Variants in CEACAM5 observed in about 807,000 individuals in gnomAD.
CEACAM5 encodes the protein cell adhesion molecule CEACAM5.
A neutral mutation model predicts 63.0 loss-of-function variants in CEACAM5; 52 were observed. The ratio of observed to expected loss-of-function variants is 0.83; its 90% CI spans 0.66 to 1.04. CEACAM5 has a LOEUF of 1.04. Ranked by LOEUF, CEACAM5 falls within the 50% of genes least tolerant of loss-of-function variation. The pLI is 0.00. For missense variants in CEACAM5, 790 were observed against 864.8 expected (o/e 0.91, Z 1.08); for synonymous variants, 357 against 351.3 (o/e 1.02, Z -0.18).
intron 8 of CEACAM5, among the ~76,000 whole-genome samples, chr19:41,726,394 G>A (rs1212509810): frequency 3.3e-5 from 5 of 152,214 alleles, no homozygotes; most frequent in Non-Finnish European, 5.9e-5. Flanking sequence ...TCATCAGCCT[G>A]AGTTGACTAG....
chr19:41,717,738 G>A lies in CEACAM5; in HGVS notation c.1237+5G>A. On this transcript the variant is annotated splice_donor_5th_base_variant and intron_variant, in intron 5 of 9. Coordinates refer to ENST00000221992, the MANE Select transcript of CEACAM5 (RefSeq NM_004363.6). Reference sequence around the variant, plus strand: ...CAGTCATCCTGAATGTCCTCTGTGAGTATCTTCTGTTCCTCTGTGGCTCAG... The same window carrying A: ...CAGTCATCCTGAATGTCCTCTGTGAATATCTTCTGTTCCTCTGTGGCTCAG... 6.2e-7 allele frequency: 1 copy of A among 1,612,988 alleles called. No homozygotes were observed. The highest frequency in any genetic ancestry group is 8.5e-7 in the Non-Finnish European group (1 of 1,179,158).
intron 8 of CEACAM5, among the ~76,000 whole-genome samples, chr19:41,722,981 C>T (rs2072647305): frequency 6.6e-6 from 1 of 152,126 alleles, no homozygotes; most frequent in African/African-American, 2.4e-5. Context: ...GATCTCGGCT[C>T]ACTGCAAGCT....
At chr19:41,709,659 A>T (rs1331813454) in intron 1 of CEACAM5, 21 bp from the exon 2 acceptor site, 8 of 1,605,030 alleles carry the variant, frequency 5.0e-6, no homozygotes, top group Non-Finnish European at 6.0e-6. Context: ...ATATTGACCG[A>T]TGCTCTCTGC....
Position 41,717,577 on chromosome 19 carries a change from C to T in CEACAM5, c.1081C>T (p.Gln361Ter). 1.2e-6 allele frequency: 2 copies of T among 1,614,244 alleles called. No homozygotes were observed. Among genetic ancestry groups the T allele is most frequent in the African/African-American group, 2.7e-5 (2 of 75,066 alleles). Reference sequence around the variant, plus strand: ...AACCTACCTGTGGTGGGTAAATAATCAGAGCCTCCCGGTCAGTCCCAGGCT... The same window carrying T: ...AACCTACCTGTGGTGGGTAAATAATTAGAGCCTCCCGGTCAGTCCCAGGCT... ...NTTYLWWVNN[Q>*]SLPVSPRLQL... Residue 361 changes from glutamine (Q) to a stop codon, truncating the protein, a stop_gained, in exon 5 of 10, where the codon CAG becomes TAG. Transcript: ENST00000221992. LOFTEE classifies it high-confidence loss of function.
At chr19:41,728,786 C>CAAAAAAAAA (rs55647539) in intron 9 of CEACAM5, among the ~76,000 whole-genome samples, 19,802 of 71,572 alleles carry the variant, frequency 0.28, 2,974 homozygotes, top group Non-Finnish European at 0.36. Flanking sequence ...GACTCCGTCT[C>CAAAAAAAAA]AAAAAAAAAA....
intron 6 of CEACAM5, among the ~76,000 whole-genome samples, chr19:41,718,633 G>T (rs1399014254): frequency 1.3e-5 from 2 of 152,226 alleles, no homozygotes; most frequent in Non-Finnish European, 2.9e-5. Context: ...TGAGCCCTAT[G>T]TAGTGGAAGG....
At chr19:41,724,670 C>G (rs1165405973) in intron 8 of CEACAM5, among the ~76,000 whole-genome samples, 1 of 152,096 alleles carries the variant, frequency 6.6e-6, no homozygotes, top group Non-Finnish European at 1.5e-5. Flanking sequence ...TTTCAGGGTA[C>G]AATCCTTTCA....
intron 4 of CEACAM5, among the ~76,000 whole-genome samples, chr19:41,716,125 G>C (rs942105380): frequency 2.4e-4 from 37 of 152,202 alleles, no homozygotes; most frequent in African/African-American, 8.9e-4. Flanking sequence ...AATGTGGGGA[G>C]GAGGCTCCCT....
At chr19:41,726,755 C>G (rs1164959320) in intron 8 of CEACAM5, among the ~76,000 whole-genome samples, 2 of 152,264 alleles carry the variant, frequency 1.3e-5, no homozygotes, top group Admixed American at 1.3e-4. Flanking sequence ...GAAGCAGAGT[C>G]CCCCAGAACT....
rs1555814633 is a variant in CEACAM5, at chr19:41,715,030, G to A, written c.484G>A (p.Ala162Thr). The A allele has an allele frequency of 2.5e-6, 4 of 1,614,106 alleles. No homozygotes were observed. The highest frequency in any genetic ancestry group is 2.7e-5 in the African/African-American group (2 of 74,924). Residue 162 changes from alanine to threonine, a missense_variant, in exon 3 of 10, where the codon GCT becomes ACT. By Grantham distance (58) the Ala-to-Thr change is moderately conservative (BLOSUM62 0). Transcript: ENST00000221992. ...NNSKPVEDKDAVAFTCEPETQ... is the reference protein window; with the variant it reads ...NNSKPVEDKDTVAFTCEPETQ... ...CTCCAAACCCGTGGAGGACAAGGAT[G>A]CTGTGGCCTTCACCTGTGAACCTGA...
intron 6 of CEACAM5, among the ~76,000 whole-genome samples, chr19:41,719,360 T>G (rs1237539426): frequency 6.6e-6 from 1 of 152,158 alleles, no homozygotes; most frequent in Non-Finnish European, 1.5e-5. Context: ...CTTTTCTTCT[T>G]CCTAAAATGA....
rs1555814860 is a variant in CEACAM5, at chr19:41,715,538, G to C, written c.704-112G>C. 2.1e-6 allele frequency: 3 copies of C among 1,419,074 alleles called. No individual in the cohort carries two copies. The African/African-American group carries it at 4.2e-5, about 20-fold the overall frequency. The allele number at this position is 1,419,074 out of a possible 1,614,324, so 87.9% of individuals were successfully genotyped here. A position where few individuals can be genotyped will look rare whatever the true frequency, so the allele number is the denominator to read the frequency against. On this transcript the variant is annotated intron_variant, in intron 3 of 9. Transcript: ENST00000221992. Reference sequence around the variant, plus strand: ...CAGTAGATACAAGAGGGGTTTGGCTGAGACTTTAGGATTGTGATTCAGCTT... The same window carrying C: ...CAGTAGATACAAGAGGGGTTTGGCTCAGACTTTAGGATTGTGATTCAGCTT...
In CEACAM5 at chr19:41,721,254, A is replaced by G. The variant is rs1600472671; in HGVS notation, c.2026+78A>G. 11 of 1,514,404 alleles carry G rather than the reference A, an allele frequency of 7.3e-6. No individual in the cohort carries two copies. The East Asian group carries it at 9.0e-5, about 12-fold the overall frequency. 93.8% of individuals were successfully genotyped at this position (1,514,404 alleles called of 1,614,324 possible). A position where few individuals can be genotyped will look rare whatever the true frequency, so the allele number is the denominator to read the frequency against. On this transcript the variant is annotated intron_variant, in intron 8 of 9. Coordinates refer to ENST00000221992, the MANE Select transcript of CEACAM5 (RefSeq NM_004363.6). ...GTTCTCACCAAAGAGCCAAGAAGAC[A>G]TTTTCTTTCCCAGTCTGTGTTCCAT... is the stretch of plus-strand genomic sequence containing the variant.
Position 41,709,744 on chromosome 19 carries a change from C to T in CEACAM5, c.129C>T (p.Phe43=), listed in dbSNP as rs782449729. The change falls in exon 2 of 10, where the codon TTC becomes TTT. Residue 43 remains phenylalanine (F), a synonymous_variant. Coordinates refer to ENST00000221992, the MANE Select transcript of CEACAM5 (RefSeq NM_004363.6). ...TAKLTIESTP[F]NVAEGKEVLL... The stretch of plus-strand genomic sequence containing the variant: ...AGCTCACTATTGAATCCACGCCGTT[C>T]AATGTCGCAGAGGGGAAGGAGGTGC... 1.2e-6 allele frequency: 2 copies of T among 1,614,134 alleles called. No homozygotes were observed. Among genetic ancestry groups the T allele is most frequent in the South Asian group, 1.1e-5 (1 of 91,082 alleles).
chr19:41,718,092 T>C (rs782014136), intron 5 of CEACAM5, 36 bp from the exon 6 acceptor site: 8 of 1,610,196 alleles, frequency 5.0e-6, no homozygotes, highest in Non-Finnish European at 6.8e-6. Flanking sequence ...TTTGCTCTGA[T>C]GACATTCACC....
chr19:41,713,333 A>G (rs1240868333), intron 2 of CEACAM5, among the ~76,000 whole-genome samples: 1 of 151,888 alleles, frequency 6.6e-6, no homozygotes, highest in South Asian at 2.1e-4. Context: ...AAAAGAAAAG[A>G]AAAAAGAAAG....
In CEACAM5 at chr19:41,710,075, G is replaced by A. The variant is rs916432013; in HGVS notation, c.424+36G>A. On this transcript the variant is annotated intron_variant, in intron 2 of 9. Transcript: ENST00000221992. ...CCCCCATGACCTCTGGGTGTTGGGG[G>A]TCAGTTCTACTTCCCACACACAGGA... The A allele has an allele frequency of 1.9e-5, 30 of 1,576,940 alleles. No homozygotes were observed. In the Middle Eastern group the frequency reaches 6.8e-4, roughly 36 times the overall value.
chr19:41,719,170 C>T (rs377545261), intron 6 of CEACAM5, among the ~76,000 whole-genome samples: 1 of 152,268 alleles, frequency 6.6e-6, no homozygotes, highest in South Asian at 2.1e-4. Flanking sequence ...CCCATGGGGA[C>T]TCAACATGGC....
chr19:41,717,692 T>G lies in CEACAM5; in HGVS notation c.1196T>G (p.Leu399Ter). 1 of 1,614,130 alleles carries G rather than the reference T, an allele frequency of 6.2e-7. No individual in the cohort carries two copies. The highest frequency in any genetic ancestry group is 2.2e-5 in the East Asian group (1 of 44,886). Residue 399 changes from leucine to a stop codon, truncating the protein, a stop_gained, in exon 5 of 10, where the codon TTA becomes TGA. Transcript: ENST00000221992. LOFTEE classifies it high-confidence loss of function. ...TATGAGTGTGGAATCCAGAACGAATTAAGTGTTGACCACAGCGACCCAGTC... is the reference window on the plus strand; with the variant it reads ...TATGAGTGTGGAATCCAGAACGAATGAAGTGTTGACCACAGCGACCCAGTC... ...GPYECGIQNELSVDHSDPVIL... is the reference protein window; with the variant it reads ...GPYECGIQNE
Sources: allele counts gnomAD v4.1 joint callset (sites outside exome capture counted in the v4.1 genomes callset), GRCh38; gene constraint gnomAD v4.1.1; transcripts MANE v1.5; gene names NCBI Gene and HGNC (gene_info 2026-07-23, HGNC 2026-07-21).